CACNA1A: variants seen among roughly 807,000 people sequenced by gnomAD.
CACNA1A encodes the protein calcium voltage-gated channel subunit alpha1 A, also known as voltage-dependent P/Q-type calcium channel subunit alpha-1A.
A neutral mutation model predicts 262.4 loss-of-function variants in CACNA1A; 57 were observed. The ratio of observed to expected loss-of-function variants is 0.22; its 90% CI spans 0.18 to 0.27. The LOEUF (loss-of-function observed/expected upper bound fraction) is 0.27. CACNA1A is among the 10% of genes least tolerant of loss of function. CACNA1A has a pLI of 1.00. For synonymous variants in CACNA1A, 1,431 were observed against 1,419.3 expected (o/e 1.01, Z -0.18); for missense variants, 2,526 against 3,562.8 (o/e 0.71, Z 7.41).
intron 26 of CACNA1A, 119 bp from the exon 27 acceptor site, chr19:13,259,820 G>C: frequency 4.8e-6 from 5 of 1,038,070 alleles, no homozygotes; most frequent in Non-Finnish European, 7.1e-6. Context: ...TAGACTGCTT[G>C]GGAAGCAGTG....
At chr19:13,386,388 C>T (rs2059614005) in intron 3 of CACNA1A, among the ~76,000 whole-genome samples, 2 of 152,080 alleles carry the variant, frequency 1.3e-5, no homozygotes, top group Admixed American at 6.6e-5. Context: ...GGATTTTTTC[C>T]CCGTGAGATG....
chr19:13,285,952 ATTT>A (rs74181819), intron 20 of CACNA1A, among the ~76,000 whole-genome samples: 44 of 95,796 alleles, frequency 4.6e-4, no homozygotes, highest in South Asian at 3.1e-3. Flanking sequence ...GCAGTTCACC[ATTT>A]TTTTTTTTTT....
At chr19:13,382,842 C>G (rs1199765358) in intron 3 of CACNA1A, among the ~76,000 whole-genome samples, 1 of 152,176 alleles carries the variant, frequency 6.6e-6, no homozygotes, top group Non-Finnish European at 1.5e-5. Flanking sequence ...CTGGGCTCAT[C>G]AAATCCTCCC....
chr19:13,505,027 C>G (rs1982849734), intron 1 of CACNA1A, among the ~76,000 whole-genome samples: 1 of 152,082 alleles, frequency 6.6e-6, no homozygotes, highest in Admixed American at 6.6e-5. Flanking sequence ...TGCTGATTCT[C>G]CTGGTGTTCC....
intron 37 of CACNA1A, 163 bp downstream of exon 37, chr19:13,227,268 G>C: frequency 2.3e-6 from 1 of 425,812 alleles, no homozygotes; most frequent in Non-Finnish European, 4.3e-6. Context: ...GTCATGATCA[G>C]TTGACTCGAG....
At position 13,470,974 on chromosome 19, in the gene CACNA1A, A is replaced by C. The variant is rs200627894; in HGVS notation, c.294-15762T>G. On this transcript the variant is annotated intron_variant, in intron 1 of 46. Coordinates refer to ENST00000360228, the MANE Select transcript of CACNA1A (RefSeq NM_001127222.2). ...TTTATTCTCTCGTCATCCTGGAGGC[A>C]AGGTTCTGAAATTAGGGGGTTTCCC... Among the ~76,000 whole-genome samples the C allele has an allele frequency of 1.2e-4, 19 of 152,220 alleles. No individual in the cohort carries two copies. The East Asian group carries it at 2.3e-3, about 19-fold the overall frequency.
intron 30 of CACNA1A, among the ~76,000 whole-genome samples, chr19:13,250,399 A>T (rs762490556): frequency 6.7e-6 from 1 of 148,944 alleles, no homozygotes; most frequent in Non-Finnish European, 1.5e-5. Context: ...AATTTAATTT[A>T]ATTTATTTAT....
chr19:13,332,473 G>A (rs1238136479), intron 9 of CACNA1A, among the ~76,000 whole-genome samples: 4 of 152,002 alleles, frequency 2.6e-5, no homozygotes, highest in Admixed American at 6.6e-5. Context: ...GACAGCAGCC[G>A]TTCACAGTAA....
intron 10 of CACNA1A, among the ~76,000 whole-genome samples, chr19:13,329,198 C>T (rs765358252): frequency 1.3e-4 from 20 of 152,154 alleles, no homozygotes; most frequent in Non-Finnish European, 1.8e-4. Context: ...CCTCCTCCCT[C>T]GAACTCTGGC....
chr19:13,384,083 T>C (rs2059567322), intron 3 of CACNA1A, among the ~76,000 whole-genome samples: 1 of 152,194 alleles, frequency 6.6e-6, no homozygotes, highest in Non-Finnish European at 1.5e-5. Flanking sequence ...CTCTTAGTGT[T>C]TGGATGATAG....
At chr19:13,291,830 A>G (rs2144915542) in intron 19 of CACNA1A, among the ~76,000 whole-genome samples, 1 of 151,962 alleles carries the variant, frequency 6.6e-6, no homozygotes. Flanking sequence ...ACTTGGGCCC[A>G]TTGGGGGTAC....
intron 31 of CACNA1A, among the ~76,000 whole-genome samples, chr19:13,238,081 G>C (rs1434045961): frequency 3.3e-5 from 5 of 152,152 alleles, no homozygotes; most frequent in African/African-American, 1.2e-4. Flanking sequence ...AGGCAGGTAG[G>C]GGTGGAGACG....
chr19:13,455,389 G>A (rs758513190), intron 1 of CACNA1A, among the ~76,000 whole-genome samples, 177 bp from the exon 2 acceptor site: 3 of 152,146 alleles, frequency 2.0e-5, no homozygotes, highest in Non-Finnish European at 4.4e-5. Context: ...CTCAAACCCA[G>A]ATCAGGTGAC....
chr19:13,494,130 C>T (rs1981224169), intron 1 of CACNA1A, among the ~76,000 whole-genome samples: 1 of 152,154 alleles, frequency 6.6e-6, no homozygotes, highest in East Asian at 1.9e-4. Flanking sequence ...ACAACCTGTG[C>T]AACTATACAT....
intron 8 of CACNA1A, 196 bp downstream of exon 8, chr19:13,334,182 A>G (rs1224273342): frequency 3.6e-6 from 2 of 549,170 alleles, no homozygotes; most frequent in Non-Finnish European, 6.5e-6. Context: ...ACGTGATGTC[A>G]GATCCTGGCT....
intron 6 of CACNA1A, among the ~76,000 whole-genome samples, chr19:13,345,399 A>G (rs2058746445): frequency 6.6e-6 from 1 of 152,172 alleles, no homozygotes; most frequent in African/African-American, 2.4e-5. Flanking sequence ...TTAAGTAAAT[A>G]ACAATGGGCC....
chr19:13,461,194 G>A (rs901912037), intron 1 of CACNA1A, among the ~76,000 whole-genome samples: 1 of 152,086 alleles, frequency 6.6e-6, no homozygotes, highest in Non-Finnish European at 1.5e-5. Flanking sequence ...ACAAAAATTA[G>A]CTGGGCATAG....
chr19:13,321,254 G>A (rs1439887233), intron 10 of CACNA1A, among the ~76,000 whole-genome samples: 1 of 151,834 alleles, frequency 6.6e-6, no homozygotes, highest in Non-Finnish European at 1.5e-5. Flanking sequence ...GGCTGGTCTC[G>A]AACTCCTAAC....
chr19:13,503,467 CA>C (rs1397153907), intron 1 of CACNA1A, among the ~76,000 whole-genome samples: 1 of 151,692 alleles, frequency 6.6e-6, no homozygotes, highest in Non-Finnish European at 1.5e-5. Context: ...TATGCTGAAA[CA>C]TTTTTTTTTA....
Sources: allele counts gnomAD v4.1 joint callset (sites outside exome capture counted in the v4.1 genomes callset), GRCh38; gene constraint gnomAD v4.1.1; transcripts MANE v1.5; gene names NCBI Gene and HGNC (gene_info 2026-07-23, HGNC 2026-07-21).